Variants in RDX observed in about 807,000 individuals in gnomAD.
RDX encodes the protein deafness, autosomal recessive 24.
Under a neutral mutation model 83.7 loss-of-function variants are expected in RDX, and 32 were observed. The ratio of observed to expected loss-of-function variants is 0.38; its 90% CI spans 0.29 to 0.51. The LOEUF (loss-of-function observed/expected upper bound fraction) is 0.51, where lower values mean the gene tolerates loss of function less well. Ranked by LOEUF, RDX falls within the 20% of genes least tolerant of loss-of-function variation. The probability of loss-of-function intolerance (pLI) is 0.87; values close to 1 mark genes in which losing one functional copy is unlikely to be tolerated. For missense variants in RDX, 600 were observed against 689.9 expected, an observed-to-expected ratio of 0.87 and a Z score of 1.46; for synonymous variants, 229 against 222.7, an observed-to-expected ratio of 1.03 and a Z score of -0.25.
At chr11:110,215,365 A>AAAAAAAAAAAAT (rs1419816665) in intron 14 of RDX, among the ~76,000 whole-genome samples, 1 of 141,778 alleles carries the variant, frequency 7.1e-6, no homozygotes, top group Non-Finnish European at 1.5e-5. Context: ...TCCATCTCAA[A>AAAAAAAAAAAAT]AAATAAATAA....
At chr11:110,227,635 G>A (rs1591127535), downstream of RDX, among the ~76,000 whole-genome samples, 4 of 150,684 alleles carry the variant, frequency 2.7e-5, no homozygotes, top group South Asian at 8.3e-4. Flanking sequence ...CTAAGGCTAA[G>A]ATAAGTTAAT....
chr11:110,264,204 G>A lies in RDX; in HGVS notation c.223C>T (p.Pro75Ser), dbSNP rs1046298143. Residue 75 changes from proline to serine, a missense_variant, in exon 5 of 14, where the codon CCT becomes TCT. Coordinates refer to ENST00000645495, the MANE Select transcript of RDX (RefSeq NM_002906.4). ...TTAGCTCTAAACTTGAACTGTAAAG[G>A]ATTCTCTTTTTTAACATCCTGCTGT... The part of the protein sequence containing the change: ...VTQQDVKKEN[P>S]LQFKFRAKFF... 6 of 1,608,114 alleles carry A rather than the reference G, an allele frequency of 3.7e-6. No homozygotes were observed. Among genetic ancestry groups the A allele is most frequent in the Admixed American group, 1.7e-5 (1 of 59,220 alleles).
In RDX at chr11:110,272,523, T is replaced by G. The variant is rs754264640; in HGVS notation, c.96+13A>C. The G allele has an allele frequency of 1.3e-6, 2 of 1,568,376 alleles. No homozygotes were observed. Among genetic ancestry groups the G allele is most frequent in the South Asian group, 2.2e-5 (2 of 89,576 alleles). ...ATGGTGTCAAAAGTTGCATATTTCA[T>G]GCAGTGTAATACCTGGTCAAAAAGT... On this transcript the variant is annotated intron_variant, in intron 3 of 13. Coordinates refer to ENST00000645495, the MANE Select transcript of RDX (RefSeq NM_002906.4).
chr11:110,264,923 A>T (rs747620874), intron 3 of RDX, 49 bp from the exon 4 acceptor site: 4 of 1,342,908 alleles, frequency 3.0e-6, no homozygotes, highest in African/African-American at 2.9e-5. Flanking sequence ...CAACATACAC[A>T]TTGTGTCTAG....
intron 13 of RDX, 64 bp from the exon 14 acceptor site, chr11:110,232,097 TG>T: frequency 7.6e-7 from 1 of 1,322,088 alleles, no homozygotes; most frequent in East Asian, 2.5e-5. Flanking sequence ...TTTATGAAAA[TG>T]GCTTTAAGAT....
intron 8 of RDX, 44 bp from the exon 9 acceptor site, chr11:110,254,153 CTG>C: frequency 6.6e-7 from 1 of 1,518,148 alleles, no homozygotes; most frequent in Non-Finnish European, 9.1e-7. Context: ...CTCAAGGATA[CTG>C]TCTCTCATAA....
intron 2 of RDX, among the ~76,000 whole-genome samples, chr11:110,275,940 A>G (rs531142048): frequency 2.0e-5 from 3 of 151,924 alleles, no homozygotes; most frequent in Admixed American, 6.6e-5. Context: ...ATGCACCACC[A>G]TGCCTGACTA....
intron 14 of RDX, among the ~76,000 whole-genome samples, chr11:110,203,928 G>C (rs1378155223): frequency 6.6e-6 from 1 of 152,182 alleles, no homozygotes; most frequent in Non-Finnish European, 1.5e-5. Flanking sequence ...TATAGTCCCA[G>C]CTATTCAGGG....
intron 9 of RDX, among the ~76,000 whole-genome samples, chr11:110,250,764 T>C (rs1859300545): frequency 6.6e-6 from 1 of 152,226 alleles, no homozygotes; most frequent in African/African-American, 2.4e-5. Flanking sequence ...GATTATAATA[T>C]TTAAAACATG....
At chr11:110,277,783 T>C (rs1391570272) in intron 2 of RDX, among the ~76,000 whole-genome samples, 1 of 152,226 alleles carries the variant, frequency 6.6e-6, no homozygotes, top group Non-Finnish European at 1.5e-5. Context: ...ATTGCTGTCT[T>C]TCAAGAGCAA....
At chr11:110,183,995 G>A (rs1479570251) in intron 15 of RDX, among the ~76,000 whole-genome samples, 2 of 152,182 alleles carry the variant, frequency 1.3e-5, no homozygotes, top group Non-Finnish European at 2.9e-5. Flanking sequence ...ATCCCTGCTA[G>A]ATGTCAGTGC....
intron 15 of RDX, among the ~76,000 whole-genome samples, chr11:110,180,713 C>T (rs943961679): frequency 7.9e-5 from 12 of 151,114 alleles, no homozygotes; most frequent in African/African-American, 2.4e-4. Context: ...TGCAGTGGTG[C>T]GATCTCGGCT....
At chr11:110,180,802 T>G (rs554519236) in intron 15 of RDX, among the ~76,000 whole-genome samples, 3 of 152,216 alleles carry the variant, frequency 2.0e-5, no homozygotes, top group Non-Finnish European at 4.4e-5. Flanking sequence ...TTCTCTCACT[T>G]TGGGTATCTG....
At chr11:110,214,812 AG>A (rs1302829612) in intron 14 of RDX, among the ~76,000 whole-genome samples, 1 of 97,344 alleles carries the variant, frequency 1.0e-5, no homozygotes, top group Non-Finnish European at 2.0e-5. Context: ...GGACACAGGA[AG>A]GGGAATATCA....
At position 110,184,822 on chromosome 11, in the gene RDX, T is replaced by C. The variant is rs1355941750; in HGVS notation, c.*32-9588A>G. On this transcript the variant is annotated intron_variant, in intron 15 of 15. Coordinates refer to the RDX transcript ENST00000528498. ...AGTAAAAGAAAGCAGACACGACACA[T>C]AGAACCTGCTGAATGATGTCAATTA... Among the ~76,000 whole-genome samples the C allele has an allele frequency of 3.3e-5, 5 of 152,160 alleles. No homozygotes were observed. The East Asian group carries it at 7.7e-4, about 23-fold the overall frequency.
intron 4 of RDX, 86 bp downstream of exon 4, chr11:110,264,693 A>C: frequency 1.1e-6 from 1 of 927,622 alleles, no homozygotes. Flanking sequence ...GGAAGCTTGC[A>C]ATCAGTCAGA....
chr11:110,259,703 C>G (rs1048365705), intron 5 of RDX, among the ~76,000 whole-genome samples: 1 of 152,198 alleles, frequency 6.6e-6, no homozygotes. Flanking sequence ...TCTGGGCTCA[C>G]AGAGAGGCAT....
At chr11:110,192,545 C>A (rs1040892721) in intron 15 of RDX, among the ~76,000 whole-genome samples, 5 of 152,140 alleles carry the variant, frequency 3.3e-5, no homozygotes, top group African/African-American at 4.8e-5. Context: ...AGCTTCTGCA[C>A]AGCAAGAGAA....
chr11:110,266,928 T>TCA (rs1222981666), intron 3 of RDX, among the ~76,000 whole-genome samples: 1 of 152,090 alleles, frequency 6.6e-6, no homozygotes, highest in Non-Finnish European at 1.5e-5. Flanking sequence ...AGACGGGGTC[T>TCA]CACTCTGTCA....
Sources: allele counts gnomAD v4.1 joint callset (sites outside exome capture counted in the v4.1 genomes callset), GRCh38; gene constraint gnomAD v4.1.1; transcripts MANE v1.5; gene names NCBI Gene and HGNC (gene_info 2026-07-23, HGNC 2026-07-21).